The following EPB42 variants were observed in gnomAD, a reference collection of about 807,000 sequenced individuals.
EPB42 encodes erythrocyte membrane protein band 4.2, also known as protein 4.2.
EPB42 carries 49 observed loss-of-function variants against 76.9 expected under a neutral mutation model. The observed-to-expected ratio is 0.64, with a 90% confidence interval of 0.51 to 0.81. The LOEUF is 0.81. Ranked by LOEUF, EPB42 falls within the 30% of genes least tolerant of loss-of-function variation. EPB42 has a pLI of 0.00. For missense variants in EPB42, 731 were observed against 867.6 expected (o/e 0.84, Z 1.98); for synonymous variants, 310 against 338.4 (o/e 0.92, Z 0.92).
chr15:43,218,530 C>A (rs899178161), intron 1 of EPB42, among the ~76,000 whole-genome samples: 1 of 152,216 alleles, frequency 6.6e-6, no homozygotes, highest in Non-Finnish European at 1.5e-5. Flanking sequence ...ATACCCATCA[C>A]CTGCTTAGTC....
chr15:43,209,615 C>G (rs1478440987), intron 5 of EPB42, 164 bp from the exon 6 acceptor site: 19 of 751,288 alleles, frequency 2.5e-5, no homozygotes, highest in Non-Finnish European at 2.2e-6. Flanking sequence ...GGGCTCCATC[C>G]TAGGCCCCTG....
chr15:43,221,350 A>G (rs2042458557), upstream of EPB42, among the ~76,000 whole-genome samples: 1 of 152,226 alleles, frequency 6.6e-6, no homozygotes, highest in South Asian at 2.1e-4. Context: ...GGCTGTTTTG[A>G]TAATAGAGAG....
chr15:43,203,617 TAGAGACAGG>T (rs2042159730), intron 10 of EPB42, among the ~76,000 whole-genome samples: 3 of 152,216 alleles, frequency 2.0e-5, no homozygotes, highest in African/African-American at 7.2e-5. Context: ...TGTTTTGTTT[TAGAGACAGG>T]GTCTCGCTTT....
chr15:43,207,517 T>C (rs1596408798), intron 8 of EPB42, 76 bp from the exon 9 acceptor site: 1 of 1,598,468 alleles, frequency 6.3e-7, no homozygotes. Flanking sequence ...GTAACCTCAG[T>C]CCCCATCCTC....
chr15:43,204,421 T>C (rs1190034011), intron 10 of EPB42, among the ~76,000 whole-genome samples: 1 of 152,166 alleles, frequency 6.6e-6, no homozygotes, highest in East Asian at 1.9e-4. Context: ...CCTGACTCTT[T>C]GTTGGCCCCC....
At position 43,211,501 on chromosome 15, in the gene EPB42, C is replaced by A. The variant is rs755096235; in HGVS notation, c.464G>T (p.Arg155Leu). The A allele has an allele frequency of 1.9e-6, 3 of 1,613,934 alleles. No individual in the cohort carries two copies. Among genetic ancestry groups the A allele is most frequent in the Admixed American group, 1.7e-5 (1 of 60,030 alleles). Residue 155 changes from arginine to leucine, a missense_variant, in exon 4 of 13, where the codon CGC becomes CTC. Arg to Leu is a moderately radical substitution (Grantham distance 102). Transcript: ENST00000441366. ...ATTCTGGTTCAACAAGTACTCCATG[C>A]GCTGAGCCTCATTCTTCAGGAACAC... The part of the protein sequence containing the change: ...DAVFLKNEAQ[R>L]MEYLLNQNGL...
chr15:43,216,224 C>T (rs971191503), intron 2 of EPB42, 44 bp downstream of exon 2: 15 of 1,607,600 alleles, frequency 9.3e-6, no homozygotes, highest in Non-Finnish European at 1.3e-5. Flanking sequence ...AACAGAGAAC[C>T]CCCCAGGCCT....
intron 12 of EPB42, among the ~76,000 whole-genome samples, chr15:43,200,908 A>G (rs1260232685): frequency 1.3e-5 from 2 of 150,150 alleles, no homozygotes; most frequent in African/African-American, 4.9e-5. Flanking sequence ...TCCGCCTCCC[A>G]GGTTCACACC....
intron 1 of EPB42, among the ~76,000 whole-genome samples, chr15:43,219,483 A>G (rs1467244941): frequency 6.6e-6 from 1 of 152,218 alleles, no homozygotes; most frequent in African/African-American, 2.4e-5. Flanking sequence ...TCATGAGTTC[A>G]TACTCAGTGA....
chr15:43,199,163 C>T (rs748189770), intron 12 of EPB42, among the ~76,000 whole-genome samples: 7 of 152,146 alleles, frequency 4.6e-5, no homozygotes, highest in African/African-American at 1.2e-4. Flanking sequence ...AGAAGAGGGC[C>T]GCCATCCTCC....
intron 5 of EPB42, chr15:43,209,759 C>G (rs2042264962): frequency 2.6e-6 from 1 of 381,158 alleles, no homozygotes; most frequent in African/African-American, 2.0e-5. Flanking sequence ...CACCCTGACT[C>G]GTTTGAGGTG....
chr15:43,209,288 G>T lies in EPB42; in HGVS notation c.818C>A (p.Ala273Asp). Residue 273 changes from alanine to aspartate, a missense_variant, in exon 6 of 13, where the codon GCT becomes GAT. By Grantham distance (126) the Ala-to-Asp change is moderately radical. Coordinates refer to ENST00000441366, the MANE Select transcript of EPB42 (RefSeq NM_001114134.2). Reference sequence around the variant, plus strand: ...AGGGGACCAACCTGTGCAAGCAACAGCAGCCAACACCCAGGCCTGGCCATC... The same window carrying T: ...AGGGGACCAACCTGTGCAAGCAACATCAGCCAACACCCAGGCCTGGCCATC... ...VYDGQAWVLA[A>D]VACTVLRCLG... The T allele has an allele frequency of 6.2e-7, 1 of 1,614,150 alleles. No homozygotes were observed. Among genetic ancestry groups the T allele is most frequent in the Non-Finnish European group, 8.5e-7 (1 of 1,180,024 alleles).
chr15:43,218,182 G>T (rs1478426571), intron 1 of EPB42, among the ~76,000 whole-genome samples: 3 of 152,138 alleles, frequency 2.0e-5, no homozygotes, highest in Admixed American at 2.0e-4. Context: ...CAAAGCTCGT[G>T]CTGGGGCCCA....
chr15:43,216,134 G>A, intron 2 of EPB42, 134 bp downstream of exon 2: 1 of 1,082,634 alleles, frequency 9.2e-7, no homozygotes, highest in Non-Finnish European at 1.4e-6. Context: ...TGACTGCCCT[G>A]CCAGGTGGGC....
Position 43,220,804 on chromosome 15 carries a change from G to A in EPB42, c.10+12C>T. ...AGTCCAGCAAGCCCTGTCGAGCGCT[G>A]GCTTGGCTCACCCTGTCCCATGGTT... On this transcript the variant is annotated intron_variant, in intron 1 of 12. Transcript: ENST00000441366. The A allele has an allele frequency of 6.2e-7, 1 of 1,612,540 alleles. No individual in the cohort carries two copies. Among genetic ancestry groups the A allele is most frequent in the Non-Finnish European group, 8.5e-7 (1 of 1,180,010 alleles).
At position 43,207,182 on chromosome 15, in the gene EPB42, C is replaced by T; in HGVS notation, c.1318+17G>A. The T allele has an allele frequency of 6.2e-7, 1 of 1,614,008 alleles. No individual in the cohort carries two copies. Among genetic ancestry groups the T allele is most frequent in the South Asian group, 1.1e-5 (1 of 91,060 alleles). On this transcript the variant is annotated intron_variant, in intron 9 of 12. Coordinates refer to ENST00000441366, the MANE Select transcript of EPB42 (RefSeq NM_001114134.2). Reference sequence around the variant, plus strand: ...TTTCAGGTACCGAGAAGCCTGGGGCCCTTCCCTGGCCCGTACCTTCAGGAT... The same window carrying T: ...TTTCAGGTACCGAGAAGCCTGGGGCTCTTCCCTGGCCCGTACCTTCAGGAT...
rs765100060 is a variant in EPB42 at position 43,216,269 on chromosome 15, A to G, written c.195T>C (p.Thr65=). Residue 65 remains threonine, a splice_region_variant and synonymous_variant, in exon 2 of 13, where the codon ACT becomes ACC. Coordinates refer to ENST00000441366, the MANE Select transcript of EPB42 (RefSeq NM_001114134.2). Reference sequence around the variant, plus strand: ...GGAGTCTAGGCCTGACTCACTAACCAGTTTGTGCAGTGAGGGCCACCTTCT... The same window carrying G: ...GGAGTCTAGGCCTGACTCACTAACCGGTTTGTGCAGTGAGGGCCACCTTCT... ...ALKKVALTAQ[T]GEQPSKINRT... The G allele has an allele frequency of 3.1e-6, 5 of 1,613,782 alleles. No homozygotes were observed. The highest frequency in any genetic ancestry group is 3.3e-5 in the Admixed American group (2 of 60,022).
At position 43,206,733 on chromosome 15, in the gene EPB42, CAA is replaced by C. The variant is rs2042210915; in HGVS notation, c.1319-106_1319-105del. 7.2e-7 allele frequency: 1 copy of C among 1,393,368 alleles called. No individual in the cohort carries two copies. Among genetic ancestry groups the C allele is most frequent in the Non-Finnish European group, 1.0e-6 (1 of 1,004,400 alleles). The allele number at this position is 1,393,368 out of a possible 1,614,324, so 86.3% of individuals were successfully genotyped here. A position where few individuals can be genotyped will look rare whatever the true frequency, so the allele number is the denominator to read the frequency against. ...CATTTACCCACTTCTGCTCAAATGC[CAA>C]AGTCACAAGAACTCAGCAAGCCTCT... On this transcript the variant is annotated intron_variant, in intron 9 of 12. Transcript: ENST00000441366. The surrounding 1 kb of genome is among the most constrained non-coding windows in gnomAD (Gnocchi z 4.7).
rs1220954121 is a variant in EPB42, at chr15:43,206,469, G to T, written c.1479C>A (p.Ile493=). Reference sequence around the variant, plus strand: ...CACTGTGATTAACCAGCGTCACTGAGATCTGGGCATCCCCTCTCAGGGGTA... The same window carrying T: ...CACTGTGATTAACCAGCGTCACTGATATCTGGGCATCCCCTCTCAGGGGTA... The part of the protein sequence containing the change: ...SSLPLRGDAQ[I]SVTLVNHSEQ... Residue 493 remains isoleucine (I), a synonymous_variant, in exon 10 of 13, where the codon ATC becomes ATA. Transcript: ENST00000441366. This position sits in a 1 kb window ranked among gnomAD's most constrained non-coding sequence, Gnocchi z 4.7. 6 of 1,614,234 alleles carry T rather than the reference G, an allele frequency of 3.7e-6. No individual in the cohort carries two copies. Among genetic ancestry groups the T allele is most frequent in the Non-Finnish European group, 5.1e-6 (6 of 1,180,038 alleles).
Sources: allele counts gnomAD v4.1 joint callset (sites outside exome capture counted in the v4.1 genomes callset), GRCh38; gene constraint gnomAD v4.1.1; non-coding constraint Gnocchi (gnomAD v3.1); transcripts MANE v1.5; gene names NCBI Gene and HGNC (gene_info 2026-07-23, HGNC 2026-07-21).